The following LHFPL3 variants were observed in gnomAD, a reference collection of about 807,000 sequenced individuals.
LHFPL3 encodes the protein LHFPL tetraspan subfamily member 3, also known as LHFPL tetraspan subfamily member 3 protein.
In LHFPL3, 5 loss-of-function variants were observed where a neutral mutation model predicts 19.3. That is an observed-to-expected ratio of 0.26 (90% confidence interval 0.14 to 0.54). The LOEUF (loss-of-function observed/expected upper bound fraction) is 0.54. Ranked by LOEUF, LHFPL3 falls within the 20% of genes least tolerant of loss-of-function variation. The pLI is 0.94. For synonymous variants in LHFPL3, 133 were observed against 126.2 expected (o/e 1.05, Z -0.36); for missense variants, 249 against 307.4 (o/e 0.81, Z 1.42).
intron 1 of LHFPL3, among the ~76,000 whole-genome samples, chr7:104,525,693 G>A (rs143204447): frequency 5.4e-5 from 8 of 149,366 alleles, no homozygotes; most frequent in Non-Finnish European, 8.9e-5. Flanking sequence ...TGCAACCTCC[G>A]CCTCCTGGGT....
intron 2 of LHFPL3, among the ~76,000 whole-genome samples, chr7:104,805,088 C>G (rs1020078836): frequency 3.3e-5 from 5 of 152,198 alleles, no homozygotes; most frequent in African/African-American, 1.2e-4. Flanking sequence ...GCTCAGATGC[C>G]CTGGGAAAGG....
At chr7:104,370,717 C>T (rs1790597609) in intron 1 of LHFPL3, among the ~76,000 whole-genome samples, 1 of 152,022 alleles carries the variant, frequency 6.6e-6, no homozygotes, top group East Asian at 1.9e-4. Context: ...CCCGTCTCTA[C>T]TAAAAATACA....
intron 2 of LHFPL3, among the ~76,000 whole-genome samples, chr7:104,824,522 T>C (rs1790769711): frequency 1.6e-5 from 1 of 63,312 alleles, no homozygotes. Flanking sequence ...ATATATATTA[T>C]TTTATATATA....
chr7:104,717,411 T>C, intron 1 of LHFPL3, among the ~76,000 whole-genome samples: 1 of 152,104 alleles, frequency 6.6e-6, no homozygotes, highest in Non-Finnish European at 1.5e-5. Context: ...CTATATCTGA[T>C]ACACGGTTAA....
intron 1 of LHFPL3, among the ~76,000 whole-genome samples, chr7:104,688,144 T>C (rs974247749): frequency 1.3e-5 from 2 of 152,228 alleles, no homozygotes; most frequent in African/African-American, 2.4e-5. Flanking sequence ...CTATATATAA[T>C]ACCTTTGACC....
At chr7:104,407,754 A>T (rs191577981) in intron 1 of LHFPL3, among the ~76,000 whole-genome samples, 90 of 152,348 alleles carry the variant, frequency 5.9e-4, no homozygotes, top group Non-Finnish European at 1.1e-3. Flanking sequence ...TGGCAGAAAC[A>T]TGATGGGTAG....
intron 1 of LHFPL3, among the ~76,000 whole-genome samples, chr7:104,700,071 C>A (rs761721149): frequency 1.4e-3 from 208 of 152,264 alleles, no homozygotes; most frequent in Non-Finnish European, 2.7e-3. Context: ...TTTCAGTGAC[C>A]ACCCCTGGGA....
In LHFPL3 at chr7:104,380,786, A is replaced by G. The variant is rs563038520; in HGVS notation, c.445+51562A>G. On this transcript the variant is annotated intron_variant, in intron 1 of 2. Coordinates refer to ENST00000424859, the MANE Select transcript of LHFPL3 (RefSeq NM_199000.3). ...ATTTGGAAGGACTTAAAAATATGTC[A>G]TTTATATACAATACTGAAAATTTAC... Among the ~76,000 whole-genome samples, 4 of 152,322 alleles carry G rather than the reference A, an allele frequency of 2.6e-5. No individual in the cohort carries two copies. The East Asian group carries it at 7.7e-4, about 29-fold the overall frequency.
intron 1 of LHFPL3, among the ~76,000 whole-genome samples, chr7:104,395,395 GA>G (rs2116481529): frequency 6.6e-6 from 1 of 152,296 alleles, no homozygotes; most frequent in African/African-American, 2.4e-5. Flanking sequence ...TACATTCAGT[GA>G]CTTACCTGTG....
chr7:104,837,589 G>T (rs1259897681), intron 2 of LHFPL3, among the ~76,000 whole-genome samples: 1 of 152,094 alleles, frequency 6.6e-6, no homozygotes, highest in East Asian at 1.9e-4. Flanking sequence ...GTTCACCTGA[G>T]GACACACAGC....
At chr7:104,837,974 A>C (rs1054791162) in intron 2 of LHFPL3, among the ~76,000 whole-genome samples, 1 of 152,248 alleles carries the variant, frequency 6.6e-6, no homozygotes, top group Non-Finnish European at 1.5e-5. Flanking sequence ...TTATATTAAC[A>C]AACAATTATA....
chr7:104,812,353 T>C (rs1478649154), intron 2 of LHFPL3, among the ~76,000 whole-genome samples: 2 of 152,114 alleles, frequency 1.3e-5, no homozygotes, highest in Non-Finnish European at 2.9e-5. Flanking sequence ...TGGAAATCTA[T>C]ACAGCAAGGG....
At chr7:104,348,878 A>G (rs1035817028) in intron 1 of LHFPL3, among the ~76,000 whole-genome samples, 1 of 152,198 alleles carries the variant, frequency 6.6e-6, no homozygotes, top group African/African-American at 2.4e-5. Flanking sequence ...CTCCATTTAG[A>G]CATTTATACA....
chr7:104,779,281 C>T (rs568366343), intron 2 of LHFPL3, among the ~76,000 whole-genome samples: 62 of 152,118 alleles, frequency 4.1e-4, no homozygotes, highest in Non-Finnish European at 8.2e-4. Flanking sequence ...AGGAAGCATC[C>T]CATAACATAA....
chr7:104,732,598 A>G (rs1451413853), intron 1 of LHFPL3, among the ~76,000 whole-genome samples: 1 of 151,876 alleles, frequency 6.6e-6, no homozygotes, highest in Non-Finnish European at 1.5e-5. Flanking sequence ...TATTGCATCT[A>G]TTTGATTCTT....
intron 1 of LHFPL3, among the ~76,000 whole-genome samples, chr7:104,692,066 A>G (rs1389837413): frequency 6.6e-6 from 1 of 152,206 alleles, no homozygotes; most frequent in East Asian, 1.9e-4. Flanking sequence ...AGATCTGTGG[A>G]ACTTTAAAGT....
chr7:104,902,577 A>G (rs964604900), intron 2 of LHFPL3, among the ~76,000 whole-genome samples: 2 of 152,102 alleles, frequency 1.3e-5, no homozygotes, highest in African/African-American at 4.8e-5. Flanking sequence ...ACCTGAGCTC[A>G]GGAGTTCGAG....
At chr7:104,642,501 G>A (rs1791856283) in intron 1 of LHFPL3, among the ~76,000 whole-genome samples, 1 of 152,120 alleles carries the variant, frequency 6.6e-6, no homozygotes, top group Non-Finnish European at 1.5e-5. Context: ...ACATAAATAA[G>A]AATGTTTCCA....
At chr7:104,497,252 T>C (rs1793499734) in intron 1 of LHFPL3, among the ~76,000 whole-genome samples, 2 of 148,302 alleles carry the variant, frequency 1.3e-5, no homozygotes, top group Admixed American at 6.8e-5. Flanking sequence ...ATTGCAAATT[T>C]ACCCAGTAAA....
Sources: allele counts gnomAD v4.1 joint callset (sites outside exome capture counted in the v4.1 genomes callset), GRCh38; gene constraint gnomAD v4.1.1; transcripts MANE v1.5; gene names NCBI Gene and HGNC (gene_info 2026-07-23, HGNC 2026-07-21).